The following PKD2L1 variants were observed in gnomAD, a reference collection of about 807,000 sequenced individuals.
PKD2L1 encodes the protein polycystin 2 like 1, transient receptor potential cation channel.
In PKD2L1, 77 loss-of-function variants were observed where a neutral mutation model predicts 93.0. The observed-to-expected ratio is 0.83, with a 90% CI of 0.69 to 1.00. The LOEUF (loss-of-function observed/expected upper bound fraction) is 1.00. Among genes scored for constraint, PKD2L1 ranks in the 50% least tolerant of loss-of-function variants. The pLI, the probability that PKD2L1 is intolerant of heterozygous loss-of-function variation, is 0.00. For synonymous variants in PKD2L1, 390 were observed against 388.0 expected (o/e 1.01, Z -0.06); for missense variants, 977 against 990.9 (o/e 0.99, Z 0.19).
At chr10:100,292,492 C>CAAA (rs113936745) in intron 11 of PKD2L1, among the ~76,000 whole-genome samples, 66 of 130,008 alleles carry the variant, frequency 5.1e-4, no homozygotes, top group African/African-American at 8.1e-4. Context: ...GACTTTGTCT[C>CAAA]AAAAAAAAAA....
intron 2 of PKD2L1, among the ~76,000 whole-genome samples, chr10:100,315,474 T>C (rs1310141770): frequency 6.6e-6 from 1 of 152,166 alleles, no homozygotes; most frequent in Non-Finnish European, 1.5e-5. Context: ...CCCCTCCCTG[T>C]GTCCATGTAT....
chr10:100,297,179 C>A lies in PKD2L1; in HGVS notation c.986G>T (p.Gly329Val). The part of the protein sequence containing the change: ...RLVVEFPATG[G>V]AIPSWQIRTV... ...GCGGATTTGCCAGGATGGGATGGCA[C>A]CTCCTGTAGCTGGAAACTCCACCAC... Residue 329 changes from glycine to valine, a missense_variant, in exon 6 of 16, where the codon GGT becomes GTT. Transcript: ENST00000318222. 1 of 1,613,994 alleles carries A rather than the reference C, an allele frequency of 6.2e-7. No homozygotes were observed. The highest frequency in any genetic ancestry group is 8.5e-7 in the Non-Finnish European group (1 of 1,179,998).
At chr10:100,323,916 C>G (rs556338519) in intron 2 of PKD2L1, among the ~76,000 whole-genome samples, 1 of 152,268 alleles carries the variant, frequency 6.6e-6, no homozygotes, top group Admixed American at 6.5e-5. Flanking sequence ...CAACCTCCGC[C>G]TCCCAGGTTC....
intron 9 of PKD2L1, among the ~76,000 whole-genome samples, chr10:100,294,049 G>C (rs1240248895): frequency 6.6e-6 from 1 of 152,148 alleles, no homozygotes. Context: ...GGAGGTGGAG[G>C]TTGCAGTGAG....
chr10:100,329,990 G>A lies in PKD2L1; in HGVS notation c.114C>T (p.Cys38=), dbSNP rs781300476. The A allele has an allele frequency of 1.9e-6, 3 of 1,613,876 alleles. No homozygotes were observed. The highest frequency in any genetic ancestry group is 2.5e-6 in the Non-Finnish European group (3 of 1,179,774). Residue 38 remains cysteine (C), a synonymous_variant, in exon 1 of 16, where the codon TGC becomes TGT. Transcript: ENST00000318222. The part of the protein sequence containing the change: ...PPSPHGTLRV[C]TISSTGPLQP... Reference sequence around the variant, plus strand: ...GGAGAGGCCCCGTGCTGGAGATGGTGCAGACTCTCAGCGTCCCGTGTGGGG... The same window carrying A: ...GGAGAGGCCCCGTGCTGGAGATGGTACAGACTCTCAGCGTCCCGTGTGGGG...
chr10:100,290,516 C>G lies in PKD2L1; in HGVS notation c.2011G>C (p.Ala671Pro). The change falls in exon 13 of 16, where the codon GCC becomes CCC. Residue 671 changes from alanine to proline, a missense_variant. Coordinates refer to ENST00000318222, the MANE Select transcript of PKD2L1 (RefSeq NM_016112.3). ...MRQDLEEERV[A>P]LNTEIEKLGR... The stretch of plus-strand genomic sequence containing the variant: ...AGTTTCTCAATCTCAGTGTTGAGGG[C>G]CACCTGCTCAGGAAGTCAGAGGTTA... 1 of 1,605,734 alleles carries G rather than the reference C, an allele frequency of 6.2e-7. No individual in the cohort carries two copies.
At chr10:100,309,807 C>A (rs965506969) in intron 2 of PKD2L1, among the ~76,000 whole-genome samples, 7 of 152,146 alleles carry the variant, frequency 4.6e-5, no homozygotes, top group Non-Finnish European at 1.0e-4. Flanking sequence ...ACTGATTGTG[C>A]CCCTGGCAAA....
chr10:100,297,256 G>C, intron 5 of PKD2L1, 48 bp from the exon 6 acceptor site: 1 of 1,574,406 alleles, frequency 6.4e-7, no homozygotes, highest in Non-Finnish European at 8.7e-7. Context: ...TCGCTGGGAC[G>C]GCTCCTCCCA....
intron 2 of PKD2L1, among the ~76,000 whole-genome samples, chr10:100,326,591 G>T (rs758723911): frequency 4.6e-5 from 7 of 152,314 alleles, no homozygotes; most frequent in Middle Eastern, 3.4e-3. Flanking sequence ...GGCATATTTT[G>T]TCCAGTGCCA....
intron 2 of PKD2L1, among the ~76,000 whole-genome samples, chr10:100,315,019 G>A (rs1179310581): frequency 3.0e-4 from 3 of 10,140 alleles, no homozygotes; most frequent in African/African-American, 1.4e-3. Context: ...AGGAAGGGAA[G>A]GGAAGGGAAG....
intron 2 of PKD2L1, among the ~76,000 whole-genome samples, chr10:100,311,908 A>G (rs578164863): frequency 2.0e-5 from 3 of 152,262 alleles, no homozygotes; most frequent in African/African-American, 7.2e-5. Flanking sequence ...CCTAACCTGG[A>G]TAGCTCTGAA....
In PKD2L1 at chr10:100,315,115, GGAAGAGAAAA is replaced by G. The variant is rs144948304; in HGVS notation, c.349+14086_349+14095del. Among the ~76,000 whole-genome samples, 14 of 79,244 alleles carry G rather than the reference GGAAGAGAAAA, an allele frequency of 1.8e-4. 5 individuals carry two copies. Among genetic ancestry groups the G allele is most frequent in the Admixed American group, 4.4e-4 (3 of 6,888 alleles). 52.0% of individuals were successfully genotyped at this position (79,244 alleles called of 152,430 possible). A position where few individuals can be genotyped will look rare whatever the true frequency, so the allele number is the denominator to read the frequency against. ...GGAAGGGAAGGGAAGGGAAGGGAAG[GGAAGAGAAAA>G]CAGTTGAAATGATTATATACCAAAC... On this transcript the variant is annotated intron_variant, in intron 2 of 15. Coordinates refer to ENST00000318222, the MANE Select transcript of PKD2L1 (RefSeq NM_016112.3).
chr10:100,293,528 G>C (rs933181198), intron 9 of PKD2L1, 149 bp from the exon 10 acceptor site: 1 of 623,984 alleles, frequency 1.6e-6, no homozygotes, highest in Admixed American at 2.5e-5. Flanking sequence ...CTGCCTCTCA[G>C]GGTCCCCAGA....
intron 2 of PKD2L1, among the ~76,000 whole-genome samples, chr10:100,305,114 C>CTT (rs11329633): frequency 0.052 from 7,185 of 139,034 alleles, 629 homozygotes; most frequent in African/African-American, 0.18. Context: ...CTCTTCTTGT[C>CTT]TTTTTTTTTT....
intron 2 of PKD2L1, among the ~76,000 whole-genome samples, chr10:100,313,747 T>C (rs1274843172): frequency 6.6e-6 from 1 of 152,214 alleles, no homozygotes; most frequent in Non-Finnish European, 1.5e-5. Flanking sequence ...CCAGAGAGAA[T>C]TGATTACTGG....
intron 12 of PKD2L1, among the ~76,000 whole-genome samples, chr10:100,290,892 AG>A (rs1335276215): frequency 6.6e-6 from 1 of 152,224 alleles, no homozygotes; most frequent in Admixed American, 6.5e-5. Context: ...CAGTAGGGAC[AG>A]CCAAGAATCC....
rs1028280082 is a variant in PKD2L1, at chr10:100,330,145, C to G, written c.-42G>C. 5 of 1,305,134 alleles carry G rather than the reference C, an allele frequency of 3.8e-6. No individual in the cohort carries two copies. In the African/African-American group the frequency reaches 5.9e-5, roughly 15 times the overall value. The allele number at this position is 1,305,134 out of a possible 1,614,324, so 80.8% of individuals were successfully genotyped here. ...GGGCCCGGTACCCCAGGTGCCCACT[C>G]TCAGCTAGAGGAAGAGGGAGCAGAG... On this transcript the variant is annotated 5_prime_UTR_variant, in exon 1 of 16. Coordinates refer to ENST00000318222, the MANE Select transcript of PKD2L1 (RefSeq NM_016112.3).
At position 100,295,094 on chromosome 10, in the gene PKD2L1, G is replaced by T; in HGVS notation, c.1386C>A (p.Thr462=). 8 of 1,614,046 alleles carry T rather than the reference G, an allele frequency of 5.0e-6. No individual in the cohort carries two copies. Among genetic ancestry groups the T allele is most frequent in the Non-Finnish European group, 6.8e-6 (8 of 1,179,914 alleles). The change falls in exon 8 of 16, where the codon ACC becomes ACA. Residue 462 remains threonine, a synonymous_variant. Transcript: ENST00000318222. ...CCAGCGTGGAGGAGAGCTGGGTCATGGTTTTGTTGAAGCTGATGTACTTGA... is the reference window on the plus strand; with the variant it reads ...CCAGCGTGGAGGAGAGCTGGGTCATTGTTTTGTTGAAGCTGATGTACTTGA... The part of the protein sequence containing the change: ...KIFKYISFNK[T]MTQLSSTLAR...
At chr10:100,315,322 A>G (rs1421568795) in intron 2 of PKD2L1, among the ~76,000 whole-genome samples, 1 of 152,034 alleles carries the variant, frequency 6.6e-6, no homozygotes, top group African/African-American at 2.4e-5. Flanking sequence ...GGTTTGTCAC[A>G]TAGGTATACA....
Sources: allele counts gnomAD v4.1 joint callset (sites outside exome capture counted in the v4.1 genomes callset), GRCh38; gene constraint gnomAD v4.1.1; transcripts MANE v1.5; gene names NCBI Gene and HGNC (gene_info 2026-07-23, HGNC 2026-07-21).